Variants in SLC2A13 observed in about 807,000 individuals in gnomAD.
SLC2A13 encodes proton myo-inositol cotransporter.
In SLC2A13, 32 loss-of-function variants were observed where a neutral mutation model predicts 64.4. The ratio of observed to expected loss-of-function variants is 0.50; its 90% CI spans 0.37 to 0.67. The LOEUF is 0.67. Among genes scored for constraint, SLC2A13 ranks in the 30% least tolerant of loss-of-function variants. The pLI, the probability that SLC2A13 is intolerant of heterozygous loss-of-function variation, is 0.00. For synonymous variants in SLC2A13, 338 were observed against 327.1 expected, an observed-to-expected ratio of 1.03 and a Z score of -0.36; for missense variants, 743 against 829.2, an observed-to-expected ratio of 0.90 and a Z score of 1.28.
chr12:39,830,501 A>G (rs7962260), intron 6 of SLC2A13: 763,762 of 1,127,466 alleles, frequency 0.68, 260,815 homozygotes, highest in African/African-American at 0.88. Flanking sequence ...AAGAGTCCCC[A>G]TCAATCTGGA....
chr12:40,098,331 G>C lies in SLC2A13; in HGVS notation c.556+6922C>G, dbSNP rs969703854. On this transcript the variant is annotated intron_variant, in intron 1 of 9. Transcript: ENST00000280871. The stretch of plus-strand genomic sequence containing the variant: ...AAGGTAGAAAGGTGGGTTGCCAAGG[G>C]ATAGGGAAGAGAGGCTGGGGAATTT... Among the ~76,000 whole-genome samples, 6 of 152,186 alleles carry C rather than the reference G, an allele frequency of 3.9e-5. No homozygotes were observed. In the East Asian group the frequency reaches 1.2e-3, roughly 29 times the overall value.
intron 4 of SLC2A13, among the ~76,000 whole-genome samples, chr12:39,922,276 T>C (rs990237923): frequency 3.3e-5 from 5 of 152,212 alleles, no homozygotes; most frequent in Non-Finnish European, 5.9e-5. Context: ...ATGTAACATC[T>C]ATTGTTTTCT....
intron 4 of SLC2A13, among the ~76,000 whole-genome samples, chr12:39,885,112 ATG>A (rs948404215): frequency 1.6e-4 from 24 of 152,320 alleles, no homozygotes; most frequent in African/African-American, 5.5e-4. Flanking sequence ...GGGGCTGATG[ATG>A]AAATGGAAAA....
At chr12:39,831,658 T>C (rs1031585632) in intron 6 of SLC2A13, among the ~76,000 whole-genome samples, 4 of 152,076 alleles carry the variant, frequency 2.6e-5, no homozygotes, top group Non-Finnish European at 5.9e-5. Flanking sequence ...TATTGAATCA[T>C]GGGGGAAAGA....
At chr12:39,898,176 T>C (rs1944977293) in intron 4 of SLC2A13, among the ~76,000 whole-genome samples, 1 of 152,158 alleles carries the variant, frequency 6.6e-6, no homozygotes, top group Non-Finnish European at 1.5e-5. Context: ...TTAGGATAAA[T>C]TTCTAGAAGT....
chr12:39,772,612 AGAG>A (rs1300942915), intron 7 of SLC2A13, among the ~76,000 whole-genome samples: 3 of 152,224 alleles, frequency 2.0e-5, no homozygotes, highest in African/African-American at 7.2e-5. Context: ...GAAAGAAAAA[AGAG>A]AAGAAGAAAG....
intron 3 of SLC2A13, among the ~76,000 whole-genome samples, chr12:40,027,521 A>G (rs1303290637): frequency 6.6e-6 from 1 of 152,200 alleles, no homozygotes; most frequent in Admixed American, 6.5e-5. Flanking sequence ...CAAAAATGGT[A>G]GGAGAAAGTA....
At chr12:40,031,083 A>G (rs1022236611) in intron 2 of SLC2A13, among the ~76,000 whole-genome samples, 3 of 152,212 alleles carry the variant, frequency 2.0e-5, no homozygotes, top group African/African-American at 7.2e-5. Context: ...TGATATGAAT[A>G]ATTTTCATGG....
chr12:39,908,403 C>T (rs959279542), intron 4 of SLC2A13: 1 of 151,750 alleles, frequency 6.6e-6, no homozygotes, highest in African/African-American at 2.4e-5. Context: ...TAAAACCCCC[C>T]AGACAACTAC....
chr12:40,034,541 G>A (rs958199073), intron 2 of SLC2A13, among the ~76,000 whole-genome samples: 1 of 152,134 alleles, frequency 6.6e-6, no homozygotes, highest in Non-Finnish European at 1.5e-5. Flanking sequence ...AACTGTATCT[G>A]TAATTCCAAT....
chr12:39,896,973 A>T (rs1944938639), intron 4 of SLC2A13, among the ~76,000 whole-genome samples: 1 of 152,182 alleles, frequency 6.6e-6, no homozygotes, highest in African/African-American at 2.4e-5. Flanking sequence ...TCTAACTTTT[A>T]ACCAGGGAGG....
intron 3 of SLC2A13, among the ~76,000 whole-genome samples, chr12:39,967,791 A>G (rs958772594): frequency 6.6e-6 from 1 of 152,212 alleles, no homozygotes; most frequent in Non-Finnish European, 1.5e-5. Flanking sequence ...AGAGAAAGAA[A>G]TACACCTGTG....
chr12:39,985,747 G>C (rs983860017), intron 3 of SLC2A13, among the ~76,000 whole-genome samples: 22 of 152,242 alleles, frequency 1.4e-4, no homozygotes, highest in African/African-American at 5.3e-4. Context: ...ATCACAGGCA[G>C]CTTAATCAAC....
intron 6 of SLC2A13, among the ~76,000 whole-genome samples, chr12:39,845,710 C>A (rs1322491012): frequency 6.6e-6 from 1 of 152,126 alleles, no homozygotes; most frequent in Non-Finnish European, 1.5e-5. Context: ...CTGATGCCAG[C>A]AACTCTGTGT....
At chr12:40,088,194 C>A (rs1938647715) in intron 1 of SLC2A13, among the ~76,000 whole-genome samples, 1 of 152,096 alleles carries the variant, frequency 6.6e-6, no homozygotes, top group Non-Finnish European at 1.5e-5. Context: ...GGTAAAGACA[C>A]TAAGTACAAA....
Position 40,048,224 on chromosome 12 carries a change from G to A in SLC2A13, c.557-14C>T, listed in dbSNP as rs1481091841. The A allele has an allele frequency of 1.3e-6, 2 of 1,583,662 alleles. No homozygotes were observed. Among genetic ancestry groups the A allele is most frequent in the African/African-American group, 2.7e-5 (2 of 73,346 alleles). ...TAGAAGCAATGCCTATAAAAACAAT[G>A]AAAAGTAAATGTGAGACATTTACTC... On this transcript the variant is annotated splice_polypyrimidine_tract_variant and intron_variant, in intron 1 of 9. Transcript: ENST00000280871.
intron 7 of SLC2A13, among the ~76,000 whole-genome samples, chr12:39,818,740 G>A (rs1942407556): frequency 1.3e-5 from 2 of 151,986 alleles, no homozygotes; most frequent in African/African-American, 4.8e-5. Context: ...CAATTAAGTA[G>A]GCAGAATAAA....
chr12:39,844,569 A>C (rs1309089516), intron 6 of SLC2A13, among the ~76,000 whole-genome samples: 1 of 152,080 alleles, frequency 6.6e-6, no homozygotes, highest in Non-Finnish European at 1.5e-5. Context: ...TATAAAATAT[A>C]AATAATTAAT....
At chr12:39,801,495 C>A (rs1179026467) in intron 7 of SLC2A13, among the ~76,000 whole-genome samples, 9 of 152,090 alleles carry the variant, frequency 5.9e-5, no homozygotes, top group Non-Finnish European at 1.2e-4. Context: ...AGTCTAATTT[C>A]TCTTGGCACA....
Sources: gnomAD v4.1 joint callset for allele counts (sites outside exome capture counted in the v4.1 genomes callset) on GRCh38, gnomAD v4.1.1 for gene constraint, MANE v1.5 for transcripts, NCBI Gene and HGNC (gene_info 2026-07-23, HGNC 2026-07-21) for gene names.